The following COL26A1 variants were observed in gnomAD, a reference collection of about 807,000 sequenced individuals.
COL26A1 encodes collagen type XXVI alpha 1 chain.
A neutral mutation model predicts 59.3 loss-of-function variants in COL26A1; 41 were observed. That is an observed-to-expected ratio of 0.69 (90% CI 0.54 to 0.90). The LOEUF is 0.90. Ranked by LOEUF, COL26A1 falls within the 40% of genes least tolerant of loss-of-function variation. The probability of loss-of-function intolerance (pLI) is 0.00; values close to 1 mark genes in which losing one functional copy is unlikely to be tolerated. For missense variants in COL26A1, 612 were observed against 602.3 expected, an observed-to-expected ratio of 1.02 and a Z score of -0.17; for synonymous variants, 266 against 256.0, an observed-to-expected ratio of 1.04 and a Z score of -0.37.
At chr7:101,405,173 A>C (rs1792099301) in intron 1 of COL26A1, among the ~76,000 whole-genome samples, 1 of 149,950 alleles carries the variant, frequency 6.7e-6, no homozygotes, top group Non-Finnish European at 1.5e-5. Flanking sequence ...CAGTGAGCTG[A>C]GATCGCGCCA....
chr7:101,416,601 C>T (rs1584388789), intron 1 of COL26A1, among the ~76,000 whole-genome samples: 1 of 144,042 alleles, frequency 6.9e-6, no homozygotes, highest in East Asian at 1.9e-4. Context: ...TGTTTTCCAT[C>T]TCCTTTTCTT....
chr7:101,403,090 C>T (rs1792052983), intron 1 of COL26A1, among the ~76,000 whole-genome samples: 1 of 152,032 alleles, frequency 6.6e-6, no homozygotes, highest in Non-Finnish European at 1.5e-5. Context: ...GCAATCCTCC[C>T]TCCTCAGCCT....
intron 1 of COL26A1, among the ~76,000 whole-genome samples, chr7:101,411,146 G>A (rs1050696619): frequency 7.2e-5 from 11 of 152,214 alleles, no homozygotes; most frequent in Non-Finnish European, 1.5e-4. Context: ...AGCAGCTGCT[G>A]TGGTTGAGCT....
At position 101,414,432 on chromosome 7, in the gene COL26A1, T is replaced by TTGTGTGTGTG. The variant is rs34282686; in HGVS notation, c.159-5527_159-5518dup. On this transcript the variant is annotated intron_variant, in intron 1 of 12. Coordinates refer to ENST00000313669, the MANE Select transcript of COL26A1 (RefSeq NM_001278563.3). ...GCTCGCTCTCGCTCTCACTCTGTGT[T>TTGTGTGTGTG]TGTGTGTGTGTGTGTGTGTGTGTGT... Among the ~76,000 whole-genome samples, 717 of 146,260 alleles carry TTGTGTGTGTG rather than the reference T, an allele frequency of 4.9e-3. 4 individuals carry two copies. The highest frequency in any genetic ancestry group is 0.016 in the African/African-American group (623 of 39,644).
intron 1 of COL26A1, among the ~76,000 whole-genome samples, chr7:101,366,560 G>A (rs1791054264): frequency 7.6e-6 from 1 of 130,784 alleles, no homozygotes; most frequent in Non-Finnish European, 1.6e-5. Flanking sequence ...GAGCGTAATG[G>A]TGCAATCATA....
At chr7:101,491,846 T>C (rs1794467713) in intron 3 of COL26A1, among the ~76,000 whole-genome samples, 1 of 152,234 alleles carries the variant, frequency 6.6e-6, no homozygotes. Context: ...CTTAGAATGC[T>C]TTAACCATCT....
rs115291965 is a variant in COL26A1 at position 101,550,020 on chromosome 7, T to G, written c.993+797T>G. Among the ~76,000 whole-genome samples the G allele has an allele frequency of 3.4e-3, 521 of 152,124 alleles. 3 individuals are homozygous for G. Among genetic ancestry groups the G allele is most frequent in the African/African-American group, 0.012 (499 of 41,530 alleles). ...CTGAGGCAGGGAAAAGGCTGGCAGGTAGTGAGCAATGGAGTGTGTGGTGTC... is the reference window on the plus strand; with the variant it reads ...CTGAGGCAGGGAAAAGGCTGGCAGGGAGTGAGCAATGGAGTGTGTGGTGTC... On this transcript the variant is annotated intron_variant, in intron 9 of 12. Transcript: ENST00000313669.
intron 2 of COL26A1, among the ~76,000 whole-genome samples, chr7:101,436,390 C>T (rs1472041420): frequency 6.6e-6 from 1 of 152,180 alleles, no homozygotes; most frequent in African/African-American, 2.4e-5. Flanking sequence ...GACTCGGAAC[C>T]TCCCAGTCTG....
rs1792788056 is a variant in COL26A1 at position 101,431,872 on chromosome 7, G to A, written c.281+11773G>A. ...AATGGTGTGATCATCTCTCACTGCA[G>A]CCTTGACCTCCTGAGCTCAAGCAAT... On this transcript the variant is annotated intron_variant, in intron 2 of 12. Transcript: ENST00000313669. 2.0e-5 allele frequency among the ~76,000 whole-genome samples: 3 copies of A among 151,756 alleles called. No individual in the cohort carries two copies. In the South Asian group the frequency reaches 6.3e-4, roughly 32 times the overall value.
At chr7:101,475,860 TTC>T (rs139010328) in intron 3 of COL26A1, among the ~76,000 whole-genome samples, 2,874 of 132,506 alleles carry the variant, frequency 0.022, 122 homozygotes, top group African/African-American at 0.071. Flanking sequence ...CTCTCTCTTT[TTC>T]TCTCTCTTTC....
chr7:101,458,900 C>G (rs773863859), intron 3 of COL26A1, among the ~76,000 whole-genome samples: 3 of 150,564 alleles, frequency 2.0e-5, no homozygotes, highest in Non-Finnish European at 4.4e-5. Context: ...CTCCTGGGCT[C>G]GAGCAATCCT....
chr7:101,442,555 T>C (rs1334082803), intron 2 of COL26A1, among the ~76,000 whole-genome samples: 5 of 152,164 alleles, frequency 3.3e-5, no homozygotes, highest in Non-Finnish European at 7.4e-5. Flanking sequence ...TAGAGCCTGG[T>C]TGGAAAGCCA....
upstream of COL26A1, chr7:101,362,810 C>T: frequency 1.9e-6 from 1 of 537,380 alleles, no homozygotes; most frequent in Non-Finnish European, 3.2e-6. Flanking sequence ...AAGCCCCACG[C>T]CCCCTTTGAC....
chr7:101,384,402 A>G (rs1791521131), intron 1 of COL26A1, among the ~76,000 whole-genome samples: 2 of 151,792 alleles, frequency 1.3e-5, no homozygotes, highest in South Asian at 4.2e-4. Flanking sequence ...TAAATTTTGT[A>G]TTTTTAGTAG....
chr7:101,513,916 G>A (rs1794976215), intron 3 of COL26A1, among the ~76,000 whole-genome samples: 1 of 152,124 alleles, frequency 6.6e-6, no homozygotes, highest in Non-Finnish European at 1.5e-5. Flanking sequence ...GAAAAAGACA[G>A]AACAACCTAA....
chr7:101,523,348 C>T (rs955376725), intron 3 of COL26A1, among the ~76,000 whole-genome samples: 6 of 152,158 alleles, frequency 3.9e-5, no homozygotes, highest in Non-Finnish European at 7.4e-5. Flanking sequence ...GAATTACAGG[C>T]GTGAGCCACC....
intron 11 of COL26A1, among the ~76,000 whole-genome samples, chr7:101,555,342 G>T (rs769930054): frequency 6.6e-6 from 1 of 152,180 alleles, no homozygotes; most frequent in Non-Finnish European, 1.5e-5. Flanking sequence ...CTGTTTGGTG[G>T]CGAGCTCTTG....
intron 2 of COL26A1, among the ~76,000 whole-genome samples, chr7:101,437,623 G>A (rs954878907): frequency 2.0e-5 from 3 of 151,962 alleles, no homozygotes; most frequent in African/African-American, 7.3e-5. Context: ...TGCCCAGGCT[G>A]GAGTGCAGTG....
intron 3 of COL26A1, among the ~76,000 whole-genome samples, chr7:101,454,650 A>G (rs1793427429): frequency 6.6e-6 from 1 of 152,126 alleles, no homozygotes; most frequent in South Asian, 2.1e-4. Flanking sequence ...TCCCCCAGGC[A>G]TAGCGCTGAA....
Sources: gnomAD v4.1 joint callset for allele counts (sites outside exome capture counted in the v4.1 genomes callset) on GRCh38, gnomAD v4.1.1 for gene constraint, MANE v1.5 for transcripts, NCBI Gene and HGNC (gene_info 2026-07-23, HGNC 2026-07-21) for gene names.